The following ADAM22 variants were observed in gnomAD, a reference collection of about 807,000 sequenced individuals.
ADAM22 encodes the protein disintegrin and metalloproteinase domain-containing protein 22.
ADAM22 carries 65 observed loss-of-function variants against 144.6 expected under a neutral mutation model. That is an observed-to-expected ratio of 0.45 (90% CI 0.37 to 0.55). The LOEUF is 0.55. Among genes scored for constraint, ADAM22 ranks in the 20% least tolerant of loss-of-function variants. The pLI is 0.00. For missense variants in ADAM22, 974 were observed against 1,184.9 expected (o/e 0.82, Z 2.61); for synonymous variants, 391 against 412.6 (o/e 0.95, Z 0.63).
In ADAM22 at chr7:88,198,771, C is replaced by T. The variant is rs934711123; in HGVS notation, c.*2280C>T. ...GTCTTTCTTCCCTCACCTATTTTTA[C>T]ATGAAATTATTATTTCAAATGAAAA... is the stretch of plus-strand genomic sequence containing the variant. On this transcript the variant is annotated 3_prime_UTR_variant, in exon 32 of 32. Coordinates refer to ENST00000413139, the MANE Select transcript of ADAM22 (RefSeq NM_001324418.2). The T allele has an allele frequency of 1.3e-5, 2 of 152,186 alleles. No individual in the cohort carries two copies. The highest frequency in any genetic ancestry group is 2.9e-5 in the Non-Finnish European group (2 of 68,034). 9.4% of individuals were successfully genotyped at this position (152,186 alleles called of 1,614,324 possible).
chr7:88,181,542 C>G lies in ADAM22; in HGVS notation c.2533C>G (p.Pro845Ala). ...CTCTCATTCTTGGAGTGAAAGGATTCCAGACACAAAACATATTTCAGACAT... is the reference window on the plus strand; with the variant it reads ...CTCTCATTCTTGGAGTGAAAGGATTGCAGACACAAAACATATTTCAGACAT... ...GLSHSWSERI[P>A]DTKHISDICE... Residue 845 changes from proline (P) to alanine (A), a missense_variant, in exon 28 of 32, where the codon CCA becomes GCA. Coordinates refer to ENST00000413139, the MANE Select transcript of ADAM22 (RefSeq NM_001324418.2). 6.2e-7 allele frequency: 1 copy of G among 1,613,772 alleles called. No homozygotes were observed. The highest frequency in any genetic ancestry group is 8.5e-7 in the Non-Finnish European group (1 of 1,179,798).
intron 3 of ADAM22, among the ~76,000 whole-genome samples, chr7:88,067,771 C>T (rs879890095): frequency 2.0e-4 from 30 of 152,248 alleles, no homozygotes; most frequent in Middle Eastern, 3.4e-3. Flanking sequence ...CTAGCATACA[C>T]ATTTAAAGCT....
At chr7:88,018,990 G>A (rs188298360) in intron 3 of ADAM22, among the ~76,000 whole-genome samples, 18 of 151,808 alleles carry the variant, frequency 1.2e-4, no homozygotes, top group Admixed American at 3.9e-4. Context: ...TTAGTATAAC[G>A]TAAGAGTATT....
intron 3 of ADAM22, among the ~76,000 whole-genome samples, chr7:88,008,082 G>T (rs1161947150): frequency 2.0e-5 from 3 of 152,088 alleles, no homozygotes; most frequent in African/African-American, 7.2e-5. Flanking sequence ...ATCAAAAAGT[G>T]GGCAAAGGAC....
At chr7:87,989,440 A>G (rs1173505840) in intron 3 of ADAM22, among the ~76,000 whole-genome samples, 2 of 152,106 alleles carry the variant, frequency 1.3e-5, no homozygotes, top group African/African-American at 4.8e-5. Flanking sequence ...TCAGGCTGGA[A>G]TGCAGTGGCT....
intron 3 of ADAM22, among the ~76,000 whole-genome samples, chr7:88,063,071 G>C (rs1810311768): frequency 6.6e-6 from 1 of 152,286 alleles, no homozygotes; most frequent in Non-Finnish European, 1.5e-5. Flanking sequence ...CAGACACAAA[G>C]TGAGCATATG....
At chr7:88,049,973 A>C (rs993543907) in intron 3 of ADAM22, among the ~76,000 whole-genome samples, 1 of 152,068 alleles carries the variant, frequency 6.6e-6, no homozygotes, top group African/African-American at 2.4e-5. Flanking sequence ...GTCAACTCAG[A>C]AATCAAAGTA....
chr7:88,119,903 A>G (rs1828839419), intron 7 of ADAM22, among the ~76,000 whole-genome samples: 1 of 152,210 alleles, frequency 6.6e-6, no homozygotes, highest in African/African-American at 2.4e-5. Flanking sequence ...CTGTGAGCAC[A>G]TATTTTCATT....
At chr7:88,095,897 T>A (rs1270729388) in intron 4 of ADAM22, among the ~76,000 whole-genome samples, 1 of 152,084 alleles carries the variant, frequency 6.6e-6, no homozygotes, top group Non-Finnish European at 1.5e-5. Flanking sequence ...CTTGTTAGAA[T>A]TTTTTGTAAA....
chr7:88,106,350 C>A (rs1336620144), intron 4 of ADAM22, among the ~76,000 whole-genome samples: 1 of 152,188 alleles, frequency 6.6e-6, no homozygotes, highest in East Asian at 1.9e-4. Context: ...CTCCCCAAAG[C>A]TGAGAGTTAC....
intron 3 of ADAM22, among the ~76,000 whole-genome samples, chr7:88,014,559 A>G (rs566644631): frequency 6.6e-6 from 1 of 152,302 alleles, no homozygotes; most frequent in Admixed American, 6.5e-5. Context: ...CCTAGCCAAC[A>G]TGGCAAAAAC....
intron 18 of ADAM22, 28 bp from the exon 19 acceptor site, chr7:88,150,953 T>C (rs1294507665): frequency 3.1e-6 from 5 of 1,588,636 alleles, no homozygotes; most frequent in Non-Finnish European, 4.3e-6. Flanking sequence ...GCACTGCATT[T>C]CATTCATAGT....
chr7:87,982,701 T>TA (rs1554373733), intron 3 of ADAM22, among the ~76,000 whole-genome samples: 1 of 33,800 alleles, frequency 3.0e-5, no homozygotes, highest in Non-Finnish European at 5.1e-5. Context: ...ATATATATAA[T>TA]TTTTTTTTTT....
chr7:88,113,707 T>TAAATAA lies in ADAM22; in HGVS notation c.474-876_474-875insAATAAA, dbSNP rs1563245756. ...TATATTATAAATAAATAAATAAATA[T>TAAATAA]ATATATATATATATATATATATATA... is the stretch of plus-strand genomic sequence containing the variant. On this transcript the variant is annotated intron_variant, in intron 5 of 31. Transcript: ENST00000413139. Among the ~76,000 whole-genome samples the TAAATAA allele has an allele frequency of 6.8e-4, 32 of 47,218 alleles. No individual in the cohort carries two copies. In the South Asian group the frequency reaches 7.0e-3, roughly 10 times the overall value. The allele number at this position is 47,218 out of a possible 152,430, so 31.0% of individuals were successfully genotyped here.
chr7:87,969,591 A>C (rs1317799227), intron 2 of ADAM22, among the ~76,000 whole-genome samples: 1 of 152,154 alleles, frequency 6.6e-6, no homozygotes, highest in Non-Finnish European at 1.5e-5. Flanking sequence ...AAATCTACAA[A>C]GTGTGTATTA....
chr7:88,113,552 G>A (rs1826623020), intron 5 of ADAM22, among the ~76,000 whole-genome samples: 1 of 149,294 alleles, frequency 6.7e-6, no homozygotes, highest in Non-Finnish European at 1.5e-5. Flanking sequence ...GCCCTAGGAA[G>A]TGCCCACCTA....
rs34323035 is a variant in ADAM22, at chr7:88,113,119, CTTTTTTTTT to C, written c.474-1447_474-1439del. On this transcript the variant is annotated intron_variant, in intron 5 of 31. Transcript: ENST00000413139. ...TTTCTGCATCCCCCCTGCCTGCCCT[CTTTTTTTTT>C]TTTTTTTTTTTTTTTTTGAGACAGG... is the stretch of plus-strand genomic sequence containing the variant. Among the ~76,000 whole-genome samples, 4 of 79,020 alleles carry C rather than the reference CTTTTTTTTT, an allele frequency of 5.1e-5. No homozygotes were observed. The South Asian group carries it at 2.5e-3, about 50-fold the overall frequency. The allele number at this position is 79,020 out of a possible 152,430, so 51.8% of individuals were successfully genotyped here. A position where few individuals can be genotyped will look rare whatever the true frequency, so the allele number is the denominator to read the frequency against.
At chr7:87,942,620 C>A (rs139674962) in intron 2 of ADAM22, among the ~76,000 whole-genome samples, 3 of 152,082 alleles carry the variant, frequency 2.0e-5, no homozygotes, top group Non-Finnish European at 4.4e-5. Context: ...GCTTGCAGAG[C>A]ACAACAGGAA....
At chr7:88,098,593 A>G (rs1822080161) in intron 4 of ADAM22, among the ~76,000 whole-genome samples, 1 of 152,166 alleles carries the variant, frequency 6.6e-6, no homozygotes, top group South Asian at 2.1e-4. Context: ...ATAGAGACAC[A>G]GAGACAAACA....
Sources: allele counts gnomAD v4.1 joint callset (sites outside exome capture counted in the v4.1 genomes callset), GRCh38; gene constraint gnomAD v4.1.1; transcripts MANE v1.5; gene names NCBI Gene and HGNC (gene_info 2026-07-23, HGNC 2026-07-21).